ESX1: variants seen among roughly 807,000 people sequenced by gnomAD.
The protein encoded by ESX1 is homeobox protein ESX1.
A neutral mutation model predicts 13.2 loss-of-function variants in ESX1; 2 were observed. That is an observed-to-expected ratio of 0.15 (90% confidence interval 0.06 to 0.48). The LOEUF is 0.48. ESX1 is among the 20% of genes least tolerant of loss of function. The pLI, the probability that ESX1 is intolerant of heterozygous loss-of-function variation, is 0.97. For missense variants in ESX1, 307 were observed against 379.0 expected, an observed-to-expected ratio of 0.81 and a Z score of 1.58; for synonymous variants, 157 against 163.1, an observed-to-expected ratio of 0.96 and a Z score of 0.29.
rs1923297112 is a variant in ESX1, at chrX:104,254,890, T to A, written c.-41A>T. The A allele has an allele frequency of 9.1e-7, 1 of 1,096,866 alleles. No homozygotes were observed. Among genetic ancestry groups the A allele is most frequent in the South Asian group, 1.8e-5 (1 of 54,134 alleles). The allele number at this position is 1,096,866 out of a possible 1,213,427, so 90.4% of individuals were successfully genotyped here. On this transcript the variant is annotated 5_prime_UTR_variant, in exon 1 of 4. Coordinates refer to ENST00000372588, the MANE Select transcript of ESX1 (RefSeq NM_153448.4). The stretch of plus-strand genomic sequence containing the variant: ...GATAAAGCTGTGCACTTCTGCAGAC[T>A]CTGTGCGTGGTTCCGCGGCGATCCC...
rs782254235 is a variant in ESX1 at position 104,254,439 on chromosome X, C to G, written c.221G>C (p.Arg74Pro). The change falls in exon 2 of 4, where the codon CGT becomes CCT. Residue 74 changes from arginine to proline, a missense_variant. By Grantham distance (103) the Arg-to-Pro change is moderately radical. Transcript: ENST00000372588. The stretch of plus-strand genomic sequence containing the variant: ...CGGCTCGTGGCCGCCGCCACCCTCA[C>G]GGTCTTGGTCGTCCGAGGGGACGGA... ...EGSVPSDDQD[R>P]EGGGGHEPEQ... is the part of the protein sequence containing the mutation. The G allele has an allele frequency of 1.7e-5, 20 of 1,210,615 alleles. No homozygotes were observed. The highest frequency in any genetic ancestry group is 2.2e-5 in the Non-Finnish European group (20 of 895,323).
intron 1 of ESX1, 65 bp from the exon 2 acceptor site, chrX:104,254,642 A>C (rs782042251): frequency 5.4e-4 from 626 of 1,160,164 alleles, no homozygotes; most frequent in Non-Finnish European, 6.8e-4. Context: ...GGGCTGGAGG[A>C]GGCAGGGGAC....
In ESX1 at chrX:104,250,040, C is replaced by T. The variant is rs1412106053; in HGVS notation, c.*188G>A. ...CCATTTGGCATACAAAACCAACGTA[C>T]TATTAAGTCACATCTTTATTGAAAA... On this transcript the variant is annotated 3_prime_UTR_variant, in exon 4 of 4. Coordinates refer to ENST00000372588, the MANE Select transcript of ESX1 (RefSeq NM_153448.4). 2 of 568,282 alleles carry T rather than the reference C, an allele frequency of 3.5e-6. No individual in the cohort carries two copies. The allele number at this position is 568,282 out of a possible 1,213,427, so 46.8% of individuals were successfully genotyped here. A position where few individuals can be genotyped will look rare whatever the true frequency, so the allele number is the denominator to read the frequency against.
In ESX1 at chrX:104,250,556, G is replaced by A. The variant is rs782488534; in HGVS notation, c.893C>T (p.Pro298Leu). 8.7e-6 allele frequency: 10 copies of A among 1,143,129 alleles called. No individual in the cohort carries two copies. The highest frequency in any genetic ancestry group is 3.7e-5 in the African/African-American group (2 of 54,611). The allele number at this position is 1,143,129 out of a possible 1,213,427, so 94.2% of individuals were successfully genotyped here. ...GPRMAPVPPW[P>L]PMAPVPPWPP... is the part of the protein sequence containing the mutation. The stretch of plus-strand genomic sequence containing the variant: ...CCAGGGTGGCACAGGCGCCATGGGC[G>A]GCCAGGGTGGCACAGGCGCCATGCG... Residue 298 changes from proline (P) to leucine (L), a missense_variant, in exon 4 of 4, where the codon CCG (proline) becomes CTG (leucine). Around this residue, in one of 3 missense-constraint regions of ESX1, gnomAD observed 108 missense variants for 147.5 expected, o/e 0.73. Transcript: ENST00000372588.
intron 3 of ESX1, 47 bp from the exon 4 acceptor site, chrX:104,250,943 G>A (rs782034601): frequency 3.5e-5 from 37 of 1,047,027 alleles, no homozygotes; most frequent in South Asian, 2.7e-4. Context: ...AACAGTTAAC[G>A]TCATAATAGA....
rs144173947 is a variant in ESX1, at chrX:104,250,611, A to G, written c.838T>C (p.Ser280Pro). 198 of 1,182,381 alleles carry G rather than the reference A, an allele frequency of 1.7e-4. No homozygotes were observed. The highest frequency in any genetic ancestry group is 7.6e-4 in the East Asian group (25 of 32,949). Reference sequence around the variant, plus strand: ...CCGGGTGGCACAGGCGCCATGCGTGAGCCGGGTGGCACAGGCGCCATGGGT... The same window carrying G: ...CCGGGTGGCACAGGCGCCATGCGTGGGCCGGGTGGCACAGGCGCCATGGGT... ...MPPMAPVPPG[S>P]RMAPVPPGPR... Residue 280 changes from serine (S) to proline (P), a missense_variant, in exon 4 of 4, where the codon TCA becomes CCA. By Grantham distance (74) the Ser-to-Pro change is moderately conservative (BLOSUM62 -1). Transcript: ENST00000372588.
intron 3 of ESX1, 72 bp from the exon 4 acceptor site, chrX:104,250,968 G>A (rs1383838278): frequency 2.1e-6 from 2 of 931,344 alleles, no homozygotes; most frequent in African/African-American, 1.9e-5. Context: ...AACATAACAT[G>A]GAATTCTATA....
chrX:104,250,373 G>A lies in ESX1; in HGVS notation c.1076C>T (p.Pro359Leu). 1.9e-6 allele frequency: 2 copies of A among 1,055,965 alleles called. No individual in the cohort carries two copies. Among genetic ancestry groups the A allele is most frequent in the South Asian group, 2.8e-5 (1 of 35,686 alleles). The allele number at this position is 1,055,965 out of a possible 1,213,427, so 87.0% of individuals were successfully genotyped here. The change falls in exon 4 of 4, where the codon CCC becomes CTC. Residue 359 changes from proline (P) to leucine (L), a missense_variant. By Grantham distance (98) the Pro-to-Leu change is moderately conservative. Coordinates refer to ENST00000372588, the MANE Select transcript of ESX1 (RefSeq NM_153448.4). The stretch of plus-strand genomic sequence containing the variant: ...TGGCAGAGGCGCCATGGGCGGCCCG[G>A]GTGGCAGAGGCGCCATGGGCGGCCC... ...PPGPPMAPLPPGPPMAPLPPG... is the reference protein window; with the variant it reads ...PPGPPMAPLPLGPPMAPLPPG...
chrX:104,252,364 G>T (rs1241006069), intron 3 of ESX1, among the ~76,000 whole-genome samples: 9 of 112,175 alleles, frequency 8.0e-5, no homozygotes, highest in Non-Finnish European at 1.7e-4. Context: ...TAATCCTTTA[G>T]GGAAAACTAA....
At chrX:104,252,043 C>T (rs1923195628) in intron 3 of ESX1, among the ~76,000 whole-genome samples, 1 of 111,494 alleles carries the variant, frequency 9.0e-6, no homozygotes, top group African/African-American at 3.3e-5. Context: ...CCAAAGCTTA[C>T]AAATGTTTTC....
chrX:104,254,198 T>C lies in ESX1; in HGVS notation c.462A>G (p.Leu154=), dbSNP rs960184757. 8.3e-7 allele frequency: 1 copy of C among 1,210,780 alleles called. No homozygotes were observed. Residue 154 remains leucine (L), a synonymous_variant, in exon 2 of 4, where the codon CTA becomes CTG. Transcript: ENST00000372588. ...TAFTQFQLQE[L]ENFFDESQYP... ...ATTGAGATTCATCGAAAAAGTTCTC[T>C]AGCTCCTGCAGCTGAAACTGCGTGA...
At position 104,254,536 on chromosome X, in the gene ESX1, C is replaced by T; in HGVS notation, c.124G>A (p.Glu42Lys). ...TTGGACCGTGTATTCTCCTCGTCCT[C>T]TCCTCCCCTTGCCATCAGCGAGGTC... Reference protein sequence around the residue: ...TVTSLMARGGEDEENTRSKPE... With the variant: ...TVTSLMARGGKDEENTRSKPE... The change falls in exon 2 of 4, where the codon GAG becomes AAG. Residue 42 changes from glutamate (E) to lysine (K), a missense_variant. Transcript: ENST00000372588. 8.3e-7 allele frequency: 1 copy of T among 1,210,711 alleles called. No homozygotes were observed. Among genetic ancestry groups the T allele is most frequent in the Non-Finnish European group, 1.1e-6 (1 of 894,574 alleles).
In ESX1 at chrX:104,250,652, G is replaced by C; in HGVS notation, c.797C>G (p.Pro266Arg). ...PPMVPMPPRP[P>R]IAPMPPMAPV... Reference sequence around the variant, plus strand: ...CGCCATGGGTGGCATAGGTGCTATGGGTGGCCTGGGTGGCATAGGGACCAT... The same window carrying C: ...CGCCATGGGTGGCATAGGTGCTATGCGTGGCCTGGGTGGCATAGGGACCAT... Residue 266 changes from proline to arginine, a missense_variant, in exon 4 of 4, where the codon CCC becomes CGC. Physicochemically the swap from Pro to Arg is moderately radical, Grantham distance 103. Around this residue, in one of 3 missense-constraint regions of ESX1, gnomAD observed 108 missense variants for 147.5 expected, o/e 0.73. Coordinates refer to ENST00000372588, the MANE Select transcript of ESX1 (RefSeq NM_153448.4). 8.3e-7 allele frequency: 1 copy of C among 1,210,517 alleles called. No individual in the cohort carries two copies. The highest frequency in any genetic ancestry group is 1.8e-5 in the South Asian group (1 of 56,823).
rs200141038 is a variant in ESX1, at chrX:104,254,780, C to G, written c.70G>C (p.Glu24Gln). 4.1e-6 allele frequency: 5 copies of G among 1,208,036 alleles called. No individual in the cohort carries two copies. The highest frequency in any genetic ancestry group is 3.5e-5 in the African/African-American group (2 of 57,324). ...TCCAAGCACTAACCATTCACTTCCT[C>G]GATGTCCTCGCCGACTGCCAGGCTG... Reference protein sequence around the residue: ...YRSLAVGEDIEEVNDEKLTVT... With the variant: ...YRSLAVGEDIQEVNDEKLTVT... The change falls in exon 1 of 4, where the codon GAG becomes CAG. Residue 24 changes from glutamate (E) to glutamine (Q), a missense_variant. Around this residue, in one of 3 missense-constraint regions of ESX1, gnomAD observed 152 missense variants for 114.5 expected, o/e 1.33. Coordinates refer to ENST00000372588, the MANE Select transcript of ESX1 (RefSeq NM_153448.4).
rs1556395353 is a variant in ESX1 at position 104,254,415 on chromosome X, G to A, written c.245C>T (p.Pro82Leu). 3 of 1,211,743 alleles carry A rather than the reference G, an allele frequency of 2.5e-6. No homozygotes were observed. Among genetic ancestry groups the A allele is most frequent in the East Asian group, 3.0e-5 (1 of 33,826 alleles). ...QDREGGGGHE[P>L]EQQQEEPPLT... ...GGGCGGCTCCTCCTGCTGTTGCTCCGGCTCGTGGCCGCCGCCACCCTCACG... is the reference window on the plus strand; with the variant it reads ...GGGCGGCTCCTCCTGCTGTTGCTCCAGCTCGTGGCCGCCGCCACCCTCACG... Residue 82 changes from proline (P) to leucine (L), a missense_variant, in exon 2 of 4, where the codon CCG becomes CTG. By Grantham distance (98) the Pro-to-Leu change is moderately conservative. Coordinates refer to ENST00000372588, the MANE Select transcript of ESX1 (RefSeq NM_153448.4).
intron 2 of ESX1, among the ~76,000 whole-genome samples, chrX:104,253,407 A>G (rs1923234564): frequency 9.9e-6 from 1 of 101,422 alleles, no homozygotes; most frequent in Admixed American, 1.0e-4. Context: ...CCGTGAAAAA[A>G]AAAACAAAAA....
chrX:104,254,321 C>T lies in ESX1; in HGVS notation c.339G>A (p.Pro113=). ...GTGGCCCCTCCACGGTCGTCTGGGG[C>T]GGCTCCTCCTGCTCTTGCTTCAGCT... The part of the protein sequence containing the change: ...LLELKQEQEE[P]PQTTVEGPQP... The change falls in exon 2 of 4, where the codon CCG becomes CCA. Residue 113 remains proline (P), a synonymous_variant. Coordinates refer to ENST00000372588, the MANE Select transcript of ESX1 (RefSeq NM_153448.4). 2 of 1,211,172 alleles carry T rather than the reference C, an allele frequency of 1.7e-6. No individual in the cohort carries two copies.
Position 104,254,898 on chromosome X carries a change from T to G in ESX1, c.-49A>C. 1 of 1,074,055 alleles carries G rather than the reference T, an allele frequency of 9.3e-7. No homozygotes were observed. Among genetic ancestry groups the G allele is most frequent in the Non-Finnish European group, 1.3e-6 (1 of 774,131 alleles). 88.5% of individuals were successfully genotyped at this position (1,074,055 alleles called of 1,213,427 possible). A position where few individuals can be genotyped will look rare whatever the true frequency, so the allele number is the denominator to read the frequency against. On this transcript the variant is annotated 5_prime_UTR_variant, in exon 1 of 4. Transcript: ENST00000372588. The stretch of plus-strand genomic sequence containing the variant: ...TGTGCACTTCTGCAGACTCTGTGCG[T>G]GGTTCCGCGGCGATCCCGGGGTTGG...
chrX:104,254,774 C>T lies in ESX1; in HGVS notation c.76G>A (p.Val26Met). The T allele has an allele frequency of 8.3e-7, 1 of 1,209,485 alleles. No homozygotes were observed. Among genetic ancestry groups the T allele is most frequent in the Non-Finnish European group, 1.1e-6 (1 of 893,128 alleles). The change falls in exon 1 of 4, where the codon GTG becomes ATG. Residue 26 changes from valine (V) to methionine (M), a missense_variant. Val to Met is a conservative substitution (Grantham distance 21). Coordinates refer to ENST00000372588, the MANE Select transcript of ESX1 (RefSeq NM_153448.4). ...TCCCTGTCCAAGCACTAACCATTCA[C>T]TTCCTCGATGTCCTCGCCGACTGCC... ...SLAVGEDIEE[V>M]NDEKLTVTSL...
Sources: allele counts gnomAD v4.1 joint callset (sites outside exome capture counted in the v4.1 genomes callset), GRCh38; gene constraint gnomAD v4.1.1; regional missense constraint gnomAD v4.1.1; transcripts MANE v1.5; gene names NCBI Gene and HGNC (gene_info 2026-07-23, HGNC 2026-07-21).